The following ELMO1 variants were observed in gnomAD, a reference collection of about 807,000 sequenced individuals.
The protein encoded by ELMO1 is engulfment and cell motility 1.
ELMO1 carries 26 observed loss-of-function variants against 98.9 expected under a neutral mutation model. The ratio of observed to expected loss-of-function variants is 0.26; its 90% confidence interval spans 0.19 to 0.36. The LOEUF is 0.36. Ranked by LOEUF, ELMO1 falls within the 10% of genes least tolerant of loss-of-function variation. ELMO1 has a pLI of 1.00. For synonymous variants in ELMO1, 346 were observed against 346.0 expected (o/e 1.00, Z 0.00); for missense variants, 627 against 935.2 (o/e 0.67, Z 4.30).
At chr7:36,904,648 C>G (rs897664897) in intron 16 of ELMO1, among the ~76,000 whole-genome samples, 1 of 152,182 alleles carries the variant, frequency 6.6e-6, no homozygotes, top group African/African-American at 2.4e-5. Flanking sequence ...AATAAATAAG[C>G]AAAAACGTTA....
intron 7 of ELMO1, among the ~76,000 whole-genome samples, chr7:37,239,457 G>A (rs1335573877): frequency 1.3e-5 from 2 of 152,106 alleles, no homozygotes; most frequent in African/African-American, 2.4e-5. Flanking sequence ...GAGCCACCGC[G>A]CCCAGCCAAT....
At chr7:37,246,251 T>C (rs1413465308) in intron 6 of ELMO1, among the ~76,000 whole-genome samples, 1 of 152,206 alleles carries the variant, frequency 6.6e-6, no homozygotes, top group Non-Finnish European at 1.5e-5. Flanking sequence ...ATCATAGTAT[T>C]AGAAAATTTT....
At chr7:37,094,527 A>T (rs1171777097) in intron 15 of ELMO1, among the ~76,000 whole-genome samples, 1 of 152,132 alleles carries the variant, frequency 6.6e-6, no homozygotes, top group Admixed American at 6.5e-5. Context: ...CCTGAGGAGG[A>T]CTACCTGCCC....
intron 1 of ELMO1, among the ~76,000 whole-genome samples, chr7:37,441,168 G>A (rs918964693): frequency 3.3e-5 from 5 of 151,524 alleles, no homozygotes; most frequent in Admixed American, 1.3e-4. Flanking sequence ...CACAAAGGGC[G>A]GAAGGAAGGG....
chr7:37,272,187 T>C (rs1334532020), intron 4 of ELMO1, among the ~76,000 whole-genome samples: 1 of 152,164 alleles, frequency 6.6e-6, no homozygotes, highest in African/African-American at 2.4e-5. Flanking sequence ...ACTCCTACGA[T>C]TGCACTCCTA....
chr7:37,002,205 T>C (rs562472316), intron 16 of ELMO1: 1 of 152,282 alleles, frequency 6.6e-6, no homozygotes, highest in Admixed American at 6.5e-5. Flanking sequence ...ATGATGATGG[T>C]AAAAGTGCAA....
Position 37,232,445 on chromosome 7 carries a change from A to C in ELMO1, c.549+650T>G, listed in dbSNP as rs567030970. ...GACAAGATCAAGACTGTTTATTTTT[A>C]GTCAGAAGAATGGAAACAGAGTTGC... On this transcript the variant is annotated intron_variant, in intron 8 of 21. Coordinates refer to ENST00000310758, the MANE Select transcript of ELMO1 (RefSeq NM_014800.11). Among the ~76,000 whole-genome samples, 5 of 152,358 alleles carry C rather than the reference A, an allele frequency of 3.3e-5. No homozygotes were observed. The East Asian group carries it at 9.6e-4, about 29-fold the overall frequency.
rs554570412 is a variant in ELMO1 at position 36,853,042 on chromosome 7, C to A, written c.*2509G>T. 1.1e-3 allele frequency among the ~76,000 whole-genome samples: 170 copies of A among 152,184 alleles called. 1 individual carries two copies. Among genetic ancestry groups the A allele is most frequent in the African/African-American group, 4.0e-3 (168 of 41,508 alleles). On this transcript the variant is annotated 3_prime_UTR_variant, in exon 22 of 22. Coordinates refer to ENST00000310758, the MANE Select transcript of ELMO1 (RefSeq NM_014800.11). ...TTGCCCAGGCTTAGGAAACTGCAGGCAACAGGAGATGAGTTGGAGGTGGTA... is the reference window on the plus strand; with the variant it reads ...TTGCCCAGGCTTAGGAAACTGCAGGAAACAGGAGATGAGTTGGAGGTGGTA...
chr7:36,854,650 G>A lies in ELMO1; in HGVS notation c.*901C>T, dbSNP rs1252657062. The A allele has an allele frequency of 6.6e-6, 1 of 152,510 alleles. No individual in the cohort carries two copies. Among genetic ancestry groups the A allele is most frequent in the Non-Finnish European group, 1.5e-5 (1 of 68,048 alleles). 9.4% of individuals were successfully genotyped at this position (152,510 alleles called of 1,614,324 possible). ...AGCTTGACCATCCTGTGGAACTTGA[G>A]TTGCAGCAGGACCTCCCAGGAGAAG... On this transcript the variant is annotated 3_prime_UTR_variant, in exon 22 of 22. Transcript: ENST00000310758.
chr7:37,064,092 G>C (rs756489106), intron 15 of ELMO1, among the ~76,000 whole-genome samples: 14 of 152,150 alleles, frequency 9.2e-5, no homozygotes, highest in Non-Finnish European at 1.9e-4. Context: ...TGAAGTGTCT[G>C]CAAGAACACA....
At chr7:37,031,776 G>A (rs761455951) in intron 15 of ELMO1, among the ~76,000 whole-genome samples, 1 of 152,148 alleles carries the variant, frequency 6.6e-6, no homozygotes, top group Admixed American at 6.6e-5. Flanking sequence ...TTACCCAATG[G>A]AGCCGAGTTC....
chr7:37,018,943 A>G (rs908219637), intron 15 of ELMO1, among the ~76,000 whole-genome samples: 3 of 152,174 alleles, frequency 2.0e-5, no homozygotes, highest in African/African-American at 7.2e-5. Context: ...TTAGGGTCCC[A>G]TAGATAAGCG....
intron 16 of ELMO1, among the ~76,000 whole-genome samples, chr7:36,974,865 G>A (rs908654131): frequency 6.6e-6 from 1 of 152,024 alleles, no homozygotes; most frequent in Non-Finnish European, 1.5e-5. Context: ...CCACCGGGAA[G>A]AATGAACAAC....
chr7:36,975,148 G>A (rs763715552), intron 16 of ELMO1, among the ~76,000 whole-genome samples: 3 of 152,144 alleles, frequency 2.0e-5, no homozygotes, highest in Admixed American at 6.5e-5. Context: ...TATATGTATC[G>A]CTCAGACATT....
chr7:37,200,949 A>G (rs1792259411), intron 13 of ELMO1, among the ~76,000 whole-genome samples: 1 of 151,860 alleles, frequency 6.6e-6, no homozygotes, highest in South Asian at 2.1e-4. Context: ...TCTCAATAAA[A>G]AAAAAAAAAA....
chr7:37,169,433 C>T (rs547094673), intron 13 of ELMO1, among the ~76,000 whole-genome samples: 3 of 152,328 alleles, frequency 2.0e-5, no homozygotes, highest in Admixed American at 2.0e-4. Flanking sequence ...TCTTCTGCGT[C>T]GCTCACGCTG....
intron 1 of ELMO1, among the ~76,000 whole-genome samples, chr7:37,389,913 C>T (rs994964144): frequency 1.3e-5 from 2 of 152,000 alleles, no homozygotes; most frequent in Non-Finnish European, 2.9e-5. Context: ...CAGAAAGGCA[C>T]GCTTCCCACA....
chr7:37,386,401 C>T (rs1802802842), intron 1 of ELMO1, among the ~76,000 whole-genome samples: 1 of 151,878 alleles, frequency 6.6e-6, no homozygotes, highest in Non-Finnish European at 1.5e-5. Flanking sequence ...GGTCTCCAGT[C>T]TGTCTCCCCA....
At chr7:37,001,778 G>T (rs1459762367) in intron 16 of ELMO1, among the ~76,000 whole-genome samples, 5 of 152,198 alleles carry the variant, frequency 3.3e-5, no homozygotes, top group Non-Finnish European at 7.3e-5. Context: ...TAGGGTAGGT[G>T]CAGGGTGAAG....
Sources: allele counts gnomAD v4.1 joint callset (sites outside exome capture counted in the v4.1 genomes callset), GRCh38; gene constraint gnomAD v4.1.1; transcripts MANE v1.5; gene names NCBI Gene and HGNC (gene_info 2026-07-23, HGNC 2026-07-21).